KHDC1: variants seen among roughly 807,000 people sequenced by gnomAD.
KHDC1 encodes the protein KH domain containing 1.
In KHDC1, 21 loss-of-function variants were observed where a neutral mutation model predicts 24.7. The observed-to-expected ratio is 0.85, with a 90% CI of 0.60 to 1.23. The LOEUF (loss-of-function observed/expected upper bound fraction) is 1.23. KHDC1 is among the 50% of genes most tolerant of loss of function. The pLI is 0.00. For synonymous variants in KHDC1, 98 were observed against 111.7 expected (o/e 0.88, Z 0.77); for missense variants, 274 against 298.5 (o/e 0.92, Z 0.61).
intron 1 of KHDC1, among the ~76,000 whole-genome samples, chr6:73,301,684 T>A (rs189071540): frequency 6.6e-6 from 1 of 152,038 alleles, no homozygotes; most frequent in African/African-American, 2.4e-5. Flanking sequence ...CAGTCTGGAG[T>A]ACAGTGGCAC....
At chr6:73,307,804 A>G (rs541552859) in intron 1 of KHDC1, among the ~76,000 whole-genome samples, 7 of 152,260 alleles carry the variant, frequency 4.6e-5, no homozygotes, top group South Asian at 2.1e-4. Context: ...GCATGCATCC[A>G]CATCACCTGG....
intron 2 of KHDC1, among the ~76,000 whole-genome samples, chr6:73,254,040 A>G (rs1766832585): frequency 6.6e-6 from 1 of 152,214 alleles, no homozygotes. Flanking sequence ...CCTTAGGAAC[A>G]TCAAACATTT....
At chr6:73,272,001 C>T (rs1278851570) in intron 2 of KHDC1, among the ~76,000 whole-genome samples, 1 of 145,088 alleles carries the variant, frequency 6.9e-6, no homozygotes, top group South Asian at 2.2e-4. Flanking sequence ...AGTGTAATCC[C>T]ATTTAAAAAA....
intron 2 of KHDC1, among the ~76,000 whole-genome samples, chr6:73,281,720 C>T (rs1767415324): frequency 6.6e-6 from 1 of 151,614 alleles, no homozygotes; most frequent in Non-Finnish European, 1.5e-5. Context: ...TTATTAACAT[C>T]TTATATTAAA....
chr6:73,264,465 T>C (rs1056692044), intron 2 of KHDC1, among the ~76,000 whole-genome samples: 2 of 152,206 alleles, frequency 1.3e-5, no homozygotes, highest in African/African-American at 2.4e-5. Context: ...GGTTGCCCTC[T>C]TGGGGCAAAG....
At chr6:73,267,203 AG>A (rs1767090566) in intron 2 of KHDC1, among the ~76,000 whole-genome samples, 1 of 151,858 alleles carries the variant, frequency 6.6e-6, no homozygotes, top group African/African-American at 2.4e-5. Flanking sequence ...AATGGGGCCA[AG>A]CACAGTGGCT....
In KHDC1 at chr6:73,264,071, C is replaced by T. The variant is rs182601758; in HGVS notation, c.207-21541G>A. 1.8e-4 allele frequency among the ~76,000 whole-genome samples: 27 copies of T among 152,130 alleles called. No homozygotes were observed. In the East Asian group the frequency reaches 5.0e-3, roughly 28 times the overall value. Reference sequence around the variant, plus strand: ...AAAATCAGCTGGGCATGGTGGTGCACGCCTGTAGCCCAAGCTATATGGGAA... The same window carrying T: ...AAAATCAGCTGGGCATGGTGGTGCATGCCTGTAGCCCAAGCTATATGGGAA... On this transcript the variant is annotated intron_variant, in intron 2 of 4. Transcript: ENST00000370384.
intron 2 of KHDC1, among the ~76,000 whole-genome samples, chr6:73,247,220 A>G (rs1284539315): frequency 6.6e-6 from 1 of 151,674 alleles, no homozygotes; most frequent in Non-Finnish European, 1.5e-5. Context: ...TCAAGTGATC[A>G]CCCACCTCAG....
chr6:73,260,507 T>G (rs1766961665), intron 2 of KHDC1, among the ~76,000 whole-genome samples: 1 of 152,366 alleles, frequency 6.6e-6, no homozygotes, highest in East Asian at 1.9e-4. Context: ...AAGTTTCCAG[T>G]TAAATATTTT....
chr6:73,262,071 C>T (rs1261072673), intron 2 of KHDC1, among the ~76,000 whole-genome samples: 1 of 151,732 alleles, frequency 6.6e-6, no homozygotes, highest in African/African-American at 2.4e-5. Context: ...AGGAAAGAGG[C>T]CCTTCTCAAA....
intron 2 of KHDC1, among the ~76,000 whole-genome samples, chr6:73,287,947 A>G (rs1767553276): frequency 6.6e-6 from 1 of 152,156 alleles, no homozygotes. Context: ...TCTGGGGTGA[A>G]ATTAGAGTGG....
At chr6:73,270,838 G>A (rs905576758) in intron 2 of KHDC1, among the ~76,000 whole-genome samples, 2 of 151,340 alleles carry the variant, frequency 1.3e-5, no homozygotes, top group Non-Finnish European at 2.9e-5. Context: ...CTACAGGCGC[G>A]TGCCACCACG....
At chr6:73,286,963 A>C (rs1368413979) in intron 2 of KHDC1, among the ~76,000 whole-genome samples, 1 of 152,042 alleles carries the variant, frequency 6.6e-6, no homozygotes, top group East Asian at 1.9e-4. Context: ...CAATCCTACT[A>C]CCAGGATGGC....
At chr6:73,292,121 G>C (rs1767664796) in intron 1 of KHDC1, 3 of 1,589,276 alleles carry the variant, frequency 1.9e-6, no homozygotes, top group East Asian at 2.2e-5. Context: ...GGTAGACTTT[G>C]CTATGGATGC....
At chr6:73,244,247 C>A (rs546089656) in intron 2 of KHDC1, among the ~76,000 whole-genome samples, 1 of 152,110 alleles carries the variant, frequency 6.6e-6, no homozygotes, top group South Asian at 2.1e-4. Flanking sequence ...GCCTTAGTTT[C>A]GCACAAACTG....
intron 2 of KHDC1, among the ~76,000 whole-genome samples, chr6:73,247,702 C>A (rs1766693026): frequency 6.6e-6 from 1 of 151,870 alleles, no homozygotes; most frequent in Non-Finnish European, 1.5e-5. Flanking sequence ...ACTAAAAATA[C>A]AAAAATTAGC....
At chr6:73,263,259 G>C in intron 2 of KHDC1, 63 bp from the exon 1 acceptor site, 1 of 985,952 alleles carries the variant, frequency 1.0e-6, no homozygotes, top group Non-Finnish European at 1.2e-6. Context: ...CCCTCCTCCC[G>C]CCTGCTCTGT....
intron 2 of KHDC1, chr6:73,262,824 G>C (rs1767005164): frequency 2.0e-6 from 2 of 985,552 alleles, no homozygotes; most frequent in Middle Eastern, 5.2e-4. Flanking sequence ...CAACCAATGA[G>C]GAAATTATCC....
chr6:73,290,706 T>C (rs1767633874), intron 2 of KHDC1: 4 of 431,504 alleles, frequency 9.3e-6, no homozygotes, highest in South Asian at 7.3e-5. Flanking sequence ...CATGTATTGC[T>C]GGTCACTTCA....
Sources: allele counts gnomAD v4.1 joint callset (sites outside exome capture counted in the v4.1 genomes callset), GRCh38; gene constraint gnomAD v4.1.1; transcripts MANE v1.5; gene names NCBI Gene and HGNC (gene_info 2026-07-23, HGNC 2026-07-21).